CACNA1C: variants seen among roughly 807,000 people sequenced by gnomAD.
CACNA1C encodes the protein calcium voltage-gated channel subunit alpha1 C.
In CACNA1C, 30 loss-of-function variants were observed where a neutral mutation model predicts 229.0. That is an observed-to-expected ratio of 0.13 (90% CI 0.10 to 0.18). The LOEUF is 0.18. Ranked by LOEUF, CACNA1C falls within the 10% of genes least tolerant of loss-of-function variation. The pLI, the probability that CACNA1C is intolerant of heterozygous loss-of-function variation, is 1.00. For synonymous variants in CACNA1C, 1,114 were observed against 1,132.5 expected (o/e 0.98, Z 0.33); for missense variants, 1,658 against 2,845.0 (o/e 0.58, Z 9.49).
At chr12:2,325,967 G>A (rs1318412038) in intron 3 of CACNA1C, among the ~76,000 whole-genome samples, 4 of 152,180 alleles carry the variant, frequency 2.6e-5, no homozygotes, top group Admixed American at 1.3e-4. Flanking sequence ...TTCCACTCAC[G>A]GCAAACATCA....
chr12:2,244,959 C>A (rs1477999663), intron 3 of CACNA1C, among the ~76,000 whole-genome samples: 1 of 152,202 alleles, frequency 6.6e-6, no homozygotes, highest in Non-Finnish European at 1.5e-5. Flanking sequence ...TGTCTGCTCA[C>A]CCTGACATTC....
intron 29 of CACNA1C, among the ~76,000 whole-genome samples, chr12:2,616,267 G>A (rs1329038304): frequency 1.3e-5 from 2 of 152,296 alleles, no homozygotes; most frequent in Admixed American, 6.5e-5. Context: ...CCCAGTCTCC[G>A]CTCTCTTTCT....
intron 15 of CACNA1C, among the ~76,000 whole-genome samples, chr12:2,583,167 G>A (rs1282227713): frequency 2.0e-5 from 3 of 152,326 alleles, no homozygotes; most frequent in Non-Finnish European, 4.4e-5. Flanking sequence ...GCCGCGCTCC[G>A]GGCGGGCTGT....
In CACNA1C at chr12:2,546,978, T is replaced by C. The variant is rs191573310; in HGVS notation, c.1391-2965T>C. ...ATCCACTACAGGTGAAAGTTTTGCA[T>C]TGTGGTCCCATGTGAGGGAGGAGAC... On this transcript the variant is annotated intron_variant, in intron 9 of 46. Transcript: ENST00000399655. Among the ~76,000 whole-genome samples, 4 of 152,250 alleles carry C rather than the reference T, an allele frequency of 2.6e-5. No homozygotes were observed. The East Asian group carries it at 7.7e-4, about 29-fold the overall frequency.
At chr12:2,474,402 G>A (rs61909383) in intron 5 of CACNA1C, among the ~76,000 whole-genome samples, 11,068 of 152,268 alleles carry the variant, frequency 0.073, 578 homozygotes, top group Non-Finnish European at 0.11. Flanking sequence ...GTCTGGTTCT[G>A]GGAGTGAGTG....
intron 3 of CACNA1C, among the ~76,000 whole-genome samples, chr12:2,406,857 C>A (rs2098743032): frequency 6.6e-6 from 1 of 152,202 alleles, no homozygotes; most frequent in Non-Finnish European, 1.5e-5. Flanking sequence ...CCTGGATGTT[C>A]TGGGTATTAT....
chr12:2,610,519 C>G (rs1315160360), intron 27 of CACNA1C, 22 bp from the exon 28 acceptor site: 5 of 1,603,612 alleles, frequency 3.1e-6, no homozygotes, highest in African/African-American at 1.3e-5. Context: ...CCCACTCTCC[C>G]CATCCTCCAC....
rs2154491421 is a variant in CACNA1C at position 2,029,091 on chromosome 12, C to G, written c.139+57890C>G. Reference sequence around the variant, plus strand: ...GAGGCATGTCTTATGTTACAAGTACCTGAGTGAGAACTGAGGCCCCATGAG... The same window carrying G: ...GAGGCATGTCTTATGTTACAAGTACGTGAGTGAGAACTGAGGCCCCATGAG... On this transcript the variant is annotated intron_variant, in intron 1 of 46. Transcript: ENST00000682462. This position sits in a 1 kb window ranked among gnomAD's most constrained non-coding sequence, Gnocchi z 4.9. Among the ~76,000 whole-genome samples the G allele has an allele frequency of 6.6e-6, 1 of 152,150 alleles. No homozygotes were observed. Among genetic ancestry groups the G allele is most frequent in the Non-Finnish European group, 1.5e-5 (1 of 68,012 alleles).
Position 2,672,384 on chromosome 12 carries a change from A to G in CACNA1C, c.4727-2157A>G, listed in dbSNP as rs548323301. 2.0e-5 allele frequency among the ~76,000 whole-genome samples: 3 copies of G among 152,358 alleles called. No homozygotes were observed. In the South Asian group the frequency reaches 6.2e-4, roughly 32 times the overall value. On this transcript the variant is annotated intron_variant, in intron 38 of 46. Transcript: ENST00000399655. ...AAAATGAAAGGTCCTTTTGGAAACT[A>G]TGTTAATTTCTTAGGTCTGCTGTAA...
In CACNA1C at chr12:2,407,628, C is replaced by T. The variant is rs4765928; in HGVS notation, c.478-41348C>T. Among the ~76,000 whole-genome samples, 120 of 64,034 alleles carry T rather than the reference C, an allele frequency of 1.9e-3. 1 individual carries two copies. Among genetic ancestry groups the T allele is most frequent in the Middle Eastern group, 7.2e-3 (1 of 138 alleles). 42.0% of individuals were successfully genotyped at this position (64,034 alleles called of 152,430 possible). A position where few individuals can be genotyped will look rare whatever the true frequency, so the allele number is the denominator to read the frequency against. Reference sequence around the variant, plus strand: ...CTCATCATGACCCAGTGGGAAGGAACGTCCTTTTGATAATAGCCGTCCTGA... The same window carrying T: ...CTCATCATGACCCAGTGGGAAGGAATGTCCTTTTGATAATAGCCGTCCTGA... On this transcript the variant is annotated intron_variant, in intron 3 of 46. Transcript: ENST00000399655.
intron 1 of CACNA1C, among the ~76,000 whole-genome samples, chr12:2,095,729 G>T (rs1038969206): frequency 1.3e-5 from 2 of 152,154 alleles, no homozygotes; most frequent in Non-Finnish European, 2.9e-5. Context: ...TAGGAAGATG[G>T]CAAACAGACG....
chr12:2,370,347 T>C (rs2097833606), intron 3 of CACNA1C, among the ~76,000 whole-genome samples: 1 of 152,222 alleles, frequency 6.6e-6, no homozygotes, highest in African/African-American at 2.4e-5. Context: ...TAATTTTCCA[T>C]CTAGGAATTT....
Position 2,176,372 on chromosome 12 carries a change from TC to T in CACNA1C, c.477+55946del, listed in dbSNP as rs1349311407. On this transcript the variant is annotated intron_variant, in intron 3 of 46. Coordinates refer to ENST00000399655, the MANE Select transcript of CACNA1C (RefSeq NM_000719.7). ...GAAACCATTTTCAGGGCCTTGGTTT[TC>T]CCCTGGATGAGATGGGCAGCCCTGG... 3.3e-5 allele frequency among the ~76,000 whole-genome samples: 5 copies of T among 152,194 alleles called. No homozygotes were observed. The East Asian group carries it at 9.7e-4, about 29-fold the overall frequency.
intron 11 of CACNA1C, among the ~76,000 whole-genome samples, 189 bp downstream of exon 11, chr12:2,557,166 G>A (rs1188455876): frequency 4.6e-5 from 7 of 152,160 alleles, no homozygotes; most frequent in African/African-American, 1.2e-4. Context: ...ATAATCCAGC[G>A]GTTGATATTT....
chr12:2,194,496 T>G (rs1176661760), intron 3 of CACNA1C, among the ~76,000 whole-genome samples: 2 of 152,032 alleles, frequency 1.3e-5, no homozygotes, highest in African/African-American at 4.8e-5. Flanking sequence ...TCTCCCTTTC[T>G]GTTCATGTAC....
intron 5 of CACNA1C, among the ~76,000 whole-genome samples, chr12:2,478,756 C>A (rs2099644602): frequency 6.6e-6 from 1 of 152,158 alleles, no homozygotes; most frequent in African/African-American, 2.4e-5. Flanking sequence ...TCATTGGAGT[C>A]ATTTGGCTCC....
chr12:2,052,395 C>T (rs723672), upstream of CACNA1C, among the ~76,000 whole-genome samples: 83,551 of 151,758 alleles, frequency 0.55, 25,043 homozygotes, highest in African/African-American at 0.79. Flanking sequence ...CACGGCTCAT[C>T]TTGCCGTTTT....
intron 1 of CACNA1C, chr12:2,004,165 C>G (rs2042847343): frequency 6.8e-7 from 1 of 1,462,430 alleles, no homozygotes; most frequent in African/African-American, 1.4e-5. Context: ...CCCAGATCCA[C>G]CCACTTCCAG....
intron 3 of CACNA1C, among the ~76,000 whole-genome samples, chr12:2,392,968 G>A (rs767550527): frequency 6.6e-6 from 1 of 152,140 alleles, no homozygotes; most frequent in Non-Finnish European, 1.5e-5. Context: ...CTTACCTTGT[G>A]TAGACTGTTG....
Sources: allele counts gnomAD v4.1 joint callset (sites outside exome capture counted in the v4.1 genomes callset), GRCh38; gene constraint gnomAD v4.1.1; non-coding constraint Gnocchi (gnomAD v3.1); transcripts MANE v1.5; gene names NCBI Gene and HGNC (gene_info 2026-07-23, HGNC 2026-07-21).